Variants in SUGCT observed in about 807,000 individuals in gnomAD.
SUGCT encodes the protein succinyl-CoA:glutarate-CoA transferase.
Under a neutral mutation model 55.0 loss-of-function variants are expected in SUGCT, and 41 were observed. The observed-to-expected ratio is 0.74, with a 90% CI of 0.58 to 0.97. The LOEUF (loss-of-function observed/expected upper bound fraction) is 0.97, where lower values mean the gene tolerates loss of function less well. Among genes scored for constraint, SUGCT ranks in the 50% least tolerant of loss-of-function variants. The probability of loss-of-function intolerance (pLI) is 0.00; values close to 1 mark genes in which losing one functional copy is unlikely to be tolerated. For synonymous variants in SUGCT, 187 were observed against 200.4 expected, an observed-to-expected ratio of 0.93 and a Z score of 0.56; for missense variants, 568 against 547.8, an observed-to-expected ratio of 1.04 and a Z score of -0.37.
chr7:40,299,503 A>T (rs1056950265), intron 8 of SUGCT, among the ~76,000 whole-genome samples: 2 of 152,238 alleles, frequency 1.3e-5, no homozygotes, highest in Non-Finnish European at 2.9e-5. Flanking sequence ...GCACATGTTT[A>T]GAAGAGATAC....
At chr7:40,188,646 T>A in intron 4 of SUGCT, 66 bp downstream of exon 4, 1 of 958,968 alleles carries the variant, frequency 1.0e-6, no homozygotes, top group Non-Finnish European at 1.5e-6. Context: ...ACTGTTGATA[T>A]CATTGTGGCT....
At chr7:40,644,215 G>A (rs180724251) in intron 12 of SUGCT, among the ~76,000 whole-genome samples, 6 of 152,258 alleles carry the variant, frequency 3.9e-5, no homozygotes, top group African/African-American at 1.4e-4. Context: ...CTTATTCCTT[G>A]GCAGTTCATT....
intron 12 of SUGCT, among the ~76,000 whole-genome samples, chr7:40,518,613 C>G (rs1377588410): frequency 6.6e-6 from 1 of 151,882 alleles, no homozygotes; most frequent in Non-Finnish European, 1.5e-5. Flanking sequence ...CAGTTGTATC[C>G]CAGATGTCAG....
At chr7:40,893,743 A>G in the SUGCT span, among the ~76,000 whole-genome samples, 1 of 152,152 alleles carries the variant, frequency 6.6e-6, no homozygotes, top group Admixed American at 6.5e-5. Flanking sequence ...AAACCTGGCC[A>G]CATTAATTTA....
the SUGCT span, among the ~76,000 whole-genome samples, chr7:41,026,481 G>C: frequency 6.6e-6 from 1 of 152,166 alleles, no homozygotes; most frequent in Admixed American, 6.5e-5. Flanking sequence ...AGGGCAGAAG[G>C]CTGCATTCAT....
intron 11 of SUGCT, among the ~76,000 whole-genome samples, chr7:40,489,812 C>T (rs1394882503): frequency 6.6e-6 from 1 of 152,194 alleles, no homozygotes; most frequent in Non-Finnish European, 1.5e-5. Flanking sequence ...GGTCAGTCCC[C>T]AGCACCTTAT....
the SUGCT span, among the ~76,000 whole-genome samples, chr7:40,987,308 G>A: frequency 6.6e-6 from 1 of 152,172 alleles, no homozygotes; most frequent in South Asian, 2.1e-4. Context: ...GTGGGGTGGA[G>A]GAGAGGAGGA....
the SUGCT span, among the ~76,000 whole-genome samples, chr7:41,005,940 A>C: frequency 6.6e-6 from 1 of 152,210 alleles, no homozygotes; most frequent in East Asian, 1.9e-4. Flanking sequence ...ACGTTCATTC[A>C]CAACATTCCC....
chr7:40,433,999 C>T (rs767430589), intron 9 of SUGCT, among the ~76,000 whole-genome samples: 6 of 152,060 alleles, frequency 3.9e-5, no homozygotes, highest in Non-Finnish European at 5.9e-5. Flanking sequence ...ATACATACCA[C>T]ATATGTTATT....
chr7:40,323,839 A>T (rs1407311237), intron 9 of SUGCT, among the ~76,000 whole-genome samples: 3 of 151,988 alleles, frequency 2.0e-5, no homozygotes, highest in African/African-American at 7.2e-5. Flanking sequence ...TTTGCTGATG[A>T]TCTCCCTCCC....
intron 12 of SUGCT, among the ~76,000 whole-genome samples, chr7:40,505,581 A>G (rs1001845589): frequency 1.3e-5 from 2 of 152,056 alleles, no homozygotes; most frequent in African/African-American, 4.8e-5. Flanking sequence ...ACCGAAATTG[A>G]CTTCAGTTTT....
intron 12 of SUGCT, among the ~76,000 whole-genome samples, chr7:40,511,207 T>C (rs1792910910): frequency 1.3e-5 from 2 of 152,166 alleles, no homozygotes; most frequent in Non-Finnish European, 2.9e-5. Flanking sequence ...TTCCATATCA[T>C]GTACCCCTTG....
At chr7:40,442,861 A>C (rs559846847) in intron 9 of SUGCT, among the ~76,000 whole-genome samples, 1 of 151,984 alleles carries the variant, frequency 6.6e-6, no homozygotes, top group Admixed American at 6.6e-5. Context: ...TCCTAATGCT[A>C]TCCCTCCCCC....
intron 6 of SUGCT, among the ~76,000 whole-genome samples, chr7:40,237,168 G>A (rs1411612327): frequency 6.6e-6 from 1 of 151,396 alleles, no homozygotes; most frequent in African/African-American, 2.4e-5. Flanking sequence ...GGTAGGCCAG[G>A]CGCGGTGGCT....
intron 9 of SUGCT, among the ~76,000 whole-genome samples, chr7:40,381,147 A>T (rs991158186): frequency 9.2e-5 from 14 of 152,070 alleles, no homozygotes; most frequent in African/African-American, 3.4e-4. Flanking sequence ...TAGTGATTTG[A>T]TTCTTTAAGA....
chr7:40,344,373 AGGGG>A (rs1797207926), intron 9 of SUGCT, among the ~76,000 whole-genome samples: 1 of 152,128 alleles, frequency 6.6e-6, no homozygotes, highest in African/African-American at 2.4e-5. Flanking sequence ...TCGATATTGC[AGGGG>A]TGGGCAAACT....
At chr7:40,829,246 C>G (rs1792526700) in intron 13 of SUGCT, among the ~76,000 whole-genome samples, 1 of 152,182 alleles carries the variant, frequency 6.6e-6, no homozygotes, top group Non-Finnish European at 1.5e-5. Context: ...ATATAGCTAG[C>G]CAGCAATCCA....
intron 12 of SUGCT, among the ~76,000 whole-genome samples, chr7:40,617,791 A>G (rs1033327590): frequency 1.2e-4 from 19 of 152,164 alleles, no homozygotes; most frequent in Non-Finnish European, 2.6e-4. Context: ...TTTCAGTGAT[A>G]TAACCCTTGT....
chr7:40,519,045 A>G (rs1461517489), intron 12 of SUGCT, among the ~76,000 whole-genome samples: 1 of 152,080 alleles, frequency 6.6e-6, no homozygotes, highest in Admixed American at 6.6e-5. Flanking sequence ...CACCAATATC[A>G]TGTATTCCTG....
Sources: allele counts gnomAD v4.1 joint callset (sites outside exome capture counted in the v4.1 genomes callset), GRCh38; gene constraint gnomAD v4.1.1; transcripts MANE v1.5; gene names NCBI Gene and HGNC (gene_info 2026-07-23, HGNC 2026-07-21).